Variants in PSKH1 observed in about 807,000 individuals in gnomAD.
PSKH1 encodes the protein protein serine kinase H1, also known as serine/threonine-protein kinase H1.
Under a neutral mutation model 26.7 loss-of-function variants are expected in PSKH1, and 12 were observed. That is an observed-to-expected ratio of 0.45 (90% CI 0.29 to 0.73). The LOEUF (loss-of-function observed/expected upper bound fraction) is 0.73, where lower values mean the gene tolerates loss of function less well. Ranked by LOEUF, PSKH1 falls within the 30% of genes least tolerant of loss-of-function variation. The pLI, the probability that PSKH1 is intolerant of heterozygous loss-of-function variation, is 0.11. For missense variants in PSKH1, 431 were observed against 595.2 expected, an observed-to-expected ratio of 0.72 and a Z score of 2.87; for synonymous variants, 213 against 234.3, an observed-to-expected ratio of 0.91 and a Z score of 0.83.
chr16:67,895,217 C>A (rs1366135254), intron 1 of PSKH1, among the ~76,000 whole-genome samples: 2 of 151,406 alleles, frequency 1.3e-5, no homozygotes, highest in East Asian at 1.9e-4. Flanking sequence ...GCCACTATGC[C>A]TGGCTGAGAT....
At chr16:67,902,144 C>A (rs902458610) in intron 1 of PSKH1, among the ~76,000 whole-genome samples, 5 of 151,744 alleles carry the variant, frequency 3.3e-5, no homozygotes, top group African/African-American at 1.2e-4. Flanking sequence ...CCTGTAGTCC[C>A]AGCTACTTGG....
In PSKH1 at chr16:67,906,652, A is replaced by G. The variant is rs1211472989; in HGVS notation, c.-70-2028A>G. ...AGTGCTGGGATTACAGGTGTGAGCT[A>G]CCGGGCCCAGCCTGTGTGTCATAAT... On this transcript the variant is annotated intron_variant, in intron 1 of 2. Transcript: ENST00000291041. Among the ~76,000 whole-genome samples, 3 of 152,244 alleles carry G rather than the reference A, an allele frequency of 2.0e-5. No individual in the cohort carries two copies. In the East Asian group the frequency reaches 5.8e-4, roughly 29 times the overall value.
chr16:67,906,895 TA>T (rs967716719), intron 1 of PSKH1, among the ~76,000 whole-genome samples: 195 of 152,142 alleles, frequency 1.3e-3, no homozygotes, highest in African/African-American at 4.3e-3. Context: ...GGAAGCAAGA[TA>T]CCCTGATCTT....
intron 2 of PSKH1, chr16:67,910,021 A>G (rs900062486): frequency 8.1e-6 from 4 of 494,304 alleles, no homozygotes; most frequent in Non-Finnish European, 1.4e-5. Context: ...ACTGTGGGCC[A>G]CTGGGAACCT....
chr16:67,927,689 A>G lies in PSKH1; in HGVS notation c.*47A>G, dbSNP rs752814236. On this transcript the variant is annotated 3_prime_UTR_variant, in exon 3 of 3. Transcript: ENST00000291041. This position sits in a 1 kb window ranked among gnomAD's most constrained non-coding sequence, Gnocchi z 5.5. ...GCAGCACGACCCAGCCTGGCCACAC[A>G]CTGTGGTGCCATCTGGGTCCGATGC... The G allele has an allele frequency of 5.2e-6, 8 of 1,545,958 alleles. No individual in the cohort carries two copies. In the South Asian group the frequency reaches 7.2e-5, roughly 14 times the overall value.
At chr16:67,910,105 G>T (rs932899711) in intron 2 of PSKH1, 29 of 356,538 alleles carry the variant, frequency 8.1e-5, no homozygotes, top group Non-Finnish European at 1.2e-4. Context: ...TTTTTGTTTT[G>T]TTTTTTTTTT....
intron 2 of PSKH1, among the ~76,000 whole-genome samples, chr16:67,914,720 C>G (rs2058182306): frequency 6.6e-6 from 1 of 151,796 alleles, no homozygotes; most frequent in African/African-American, 2.4e-5. Flanking sequence ...TCCCAAAGTG[C>G]TAGGATTACA....
intron 1 of PSKH1, among the ~76,000 whole-genome samples, chr16:67,896,954 T>C (rs1222652984): frequency 2.6e-5 from 4 of 152,206 alleles, no homozygotes; most frequent in Non-Finnish European, 5.9e-5. Context: ...TCTATCATAA[T>C]CACAAGTTCA....
intron 1 of PSKH1, among the ~76,000 whole-genome samples, chr16:67,897,460 G>A (rs1383028418): frequency 6.6e-6 from 1 of 152,150 alleles, no homozygotes. Context: ...TTCTTTCCAA[G>A]CTGCCAGCCT....
intron 1 of PSKH1, among the ~76,000 whole-genome samples, chr16:67,905,584 G>A (rs1316400288): frequency 6.6e-6 from 1 of 152,148 alleles, no homozygotes; most frequent in Non-Finnish European, 1.5e-5. Flanking sequence ...TTTTGGCTGG[G>A]CACAGTGGCT....
At chr16:67,910,615 A>G (rs2058170608) in intron 2 of PSKH1, among the ~76,000 whole-genome samples, 2 of 152,118 alleles carry the variant, frequency 1.3e-5, no homozygotes, top group Admixed American at 1.3e-4. Flanking sequence ...CAGCCTCCCA[A>G]GTGGCTGGGA....
intron 2 of PSKH1, among the ~76,000 whole-genome samples, chr16:67,916,351 C>T (rs375634114): frequency 1.6e-4 from 24 of 152,240 alleles, no homozygotes; most frequent in East Asian, 1.5e-3. Context: ...TACACCAGGC[C>T]GGGTCTGGTG....
At chr16:67,899,576 C>T (rs144285288) in intron 1 of PSKH1, among the ~76,000 whole-genome samples, 18 of 152,090 alleles carry the variant, frequency 1.2e-4, no homozygotes, top group African/African-American at 4.1e-4. Flanking sequence ...TCCTCGTGAT[C>T]GGCCCGCCTT....
chr16:67,909,197 G>A lies in PSKH1; in HGVS notation c.448G>A (p.Val150Met). The change falls in exon 2 of 3, where the codon GTG becomes ATG. Residue 150 changes from valine to methionine, a missense_variant. Coordinates refer to ENST00000291041, the MANE Select transcript of PSKH1 (RefSeq NM_006742.3). The surrounding 1 kb of genome is among the most constrained non-coding windows in gnomAD (Gnocchi z 7.8). ...GTCGGAGCTGCGTGTGCTGCGTCGG[G>A]TGCGTCATGCCAACATCATCCAGCT... ...CESELRVLRRVRHANIIQLVE... is the reference protein window; with the variant it reads ...CESELRVLRRMRHANIIQLVE... 1 of 1,614,174 alleles carries A rather than the reference G, an allele frequency of 6.2e-7. No individual in the cohort carries two copies. Among genetic ancestry groups the A allele is most frequent in the Non-Finnish European group, 8.5e-7 (1 of 1,180,038 alleles).
At chr16:67,905,290 C>T (rs1356568025) in intron 1 of PSKH1, among the ~76,000 whole-genome samples, 1 of 152,180 alleles carries the variant, frequency 6.6e-6, no homozygotes, top group Non-Finnish European at 1.5e-5. Flanking sequence ...TAACCACCTT[C>T]TGCTGACCTT....
rs757163361 is a variant in PSKH1 at position 67,909,488 on chromosome 16, A to G, written c.739A>G (p.Lys247Glu). The G allele has an allele frequency of 3.1e-6, 5 of 1,613,498 alleles. No individual in the cohort carries two copies. The highest frequency in any genetic ancestry group is 1.1e-5 in the South Asian group (1 of 91,082). ...ITDFGLASARKKGDDCLMKTT... is the reference protein window; with the variant it reads ...ITDFGLASAREKGDDCLMKTT... ...CGACTTCGGCCTGGCCAGTGCTCGC[A>G]AGAAGGGTGATGACTGCTTGATGAA... The change falls in exon 2 of 3, where the codon AAG (lysine) becomes GAG (glutamate). Residue 247 changes from lysine (K) to glutamate (E), a missense_variant. Coordinates refer to ENST00000291041, the MANE Select transcript of PSKH1 (RefSeq NM_006742.3). This position sits in a 1 kb window ranked among gnomAD's most constrained non-coding sequence, Gnocchi z 7.8.
intron 2 of PSKH1, among the ~76,000 whole-genome samples, chr16:67,919,813 C>T (rs1343017395): frequency 6.6e-6 from 1 of 152,190 alleles, no homozygotes; most frequent in South Asian, 2.1e-4. Context: ...GAGCAGCAGC[C>T]CCATCTTGTG....
At chr16:67,919,367 C>T (rs1036826330) in intron 2 of PSKH1, among the ~76,000 whole-genome samples, 1 of 152,168 alleles carries the variant, frequency 6.6e-6, no homozygotes, top group Non-Finnish European at 1.5e-5. Flanking sequence ...GCTGACAGCA[C>T]GAGCAAACAC....
intron 2 of PSKH1, among the ~76,000 whole-genome samples, chr16:67,916,197 G>C (rs2058187432): frequency 6.6e-6 from 1 of 152,186 alleles, no homozygotes; most frequent in Non-Finnish European, 1.5e-5. Context: ...CCATGATGAG[G>C]GGGTTGTTGC....
Sources: allele counts gnomAD v4.1 joint callset (sites outside exome capture counted in the v4.1 genomes callset), GRCh38; gene constraint gnomAD v4.1.1; non-coding constraint Gnocchi (gnomAD v3.1); transcripts MANE v1.5; gene names NCBI Gene and HGNC (gene_info 2026-07-23, HGNC 2026-07-21).